The following KCNK9 variants were observed in gnomAD, a reference collection of about 807,000 sequenced individuals.
KCNK9 encodes the protein potassium channel subfamily K member 9.
Under a neutral mutation model 10.8 loss-of-function variants are expected in KCNK9, and 1 was observed. That is an observed-to-expected ratio of 0.09 (90% confidence interval 0.03 to 0.44). The LOEUF (loss-of-function observed/expected upper bound fraction) is 0.44. KCNK9 is among the 20% of genes least tolerant of loss of function. The pLI is 0.97. For missense variants in KCNK9, 303 were observed against 515.0 expected (o/e 0.59, Z 3.98); for synonymous variants, 231 against 222.7 (o/e 1.04, Z -0.33).
rs571995234 is a variant in KCNK9, at chr8:139,650,781, AG to A, written c.284-31683del. ...CTGCAGGTGCTCTGCCCAGTGGGGA[AG>A]GCAGCATGTGGGAGGGAAGCAGCAG... On this transcript the variant is annotated intron_variant, in intron 1 of 1. Transcript: ENST00000520439. Among the ~76,000 whole-genome samples, 365 of 152,212 alleles carry A rather than the reference AG, an allele frequency of 2.4e-3. 1 individual carries two copies. The highest frequency in any genetic ancestry group is 3.6e-3 in the Non-Finnish European group (247 of 68,008).
intron 1 of KCNK9, among the ~76,000 whole-genome samples, chr8:139,654,115 C>T (rs1167998490): frequency 2.0e-5 from 3 of 152,166 alleles, no homozygotes; most frequent in African/African-American, 2.4e-5. Flanking sequence ...AGGAAAAGGA[C>T]GATGCTGTTA....
At chr8:139,622,794 A>G (rs964139075) in intron 1 of KCNK9, among the ~76,000 whole-genome samples, 1 of 152,210 alleles carries the variant, frequency 6.6e-6, no homozygotes, top group Non-Finnish European at 1.5e-5. Flanking sequence ...GCCTGCGAAT[A>G]TTAAGTCCAC....
intron 1 of KCNK9, among the ~76,000 whole-genome samples, chr8:139,654,961 G>A (rs749239979): frequency 5.9e-5 from 9 of 152,100 alleles, no homozygotes; most frequent in East Asian, 1.9e-4. Flanking sequence ...GGTGACGGAC[G>A]GACAAATGCA....
rs1440259139 is a variant in KCNK9 at position 139,687,500 on chromosome 8, A to ATATATATGTGTACACATATATT, written c.283+15209_283+15210insAATATATGTGTACACATATATA. Among the ~76,000 whole-genome samples the ATATATATGTGTACACATATATT allele has an allele frequency of 9.3e-5, 6 of 64,448 alleles. 1 individual carries two copies. The highest frequency in any genetic ancestry group is 3.5e-4 in the African/African-American group (6 of 17,308). 42.3% of individuals were successfully genotyped at this position (64,448 alleles called of 152,430 possible). ...TATGTATACATATATACACATATAT[A>ATATATATGTGTACACATATATT]CATATATATGTATACACATATATTC... On this transcript the variant is annotated intron_variant, in intron 1 of 1. Coordinates refer to ENST00000520439, the MANE Select transcript of KCNK9 (RefSeq NM_001282534.2).
rs138345309 is a variant in KCNK9, at chr8:139,687,373, T to A, written c.283+15337A>T. ...ATATATGTATACATATATATGTGTA[T>A]ACATATATATGAATATATATGTGTA... On this transcript the variant is annotated intron_variant, in intron 1 of 1. Coordinates refer to ENST00000520439, the MANE Select transcript of KCNK9 (RefSeq NM_001282534.2). 1.5e-5 allele frequency among the ~76,000 whole-genome samples: 2 copies of A among 133,404 alleles called. 1 individual carries two copies. Among genetic ancestry groups the A allele is most frequent in the Non-Finnish European group, 3.2e-5 (2 of 62,606 alleles). 87.5% of individuals were successfully genotyped at this position (133,404 alleles called of 152,430 possible). A position where few individuals can be genotyped will look rare whatever the true frequency, so the allele number is the denominator to read the frequency against.
chr8:139,603,870 C>T (rs960949338), intron 2 of KCNK9, among the ~76,000 whole-genome samples: 2 of 152,212 alleles, frequency 1.3e-5, no homozygotes, highest in African/African-American at 4.8e-5. Flanking sequence ...ATAGAAATTG[C>T]CTTAGGTCAT....
At chr8:139,686,238 A>T (rs1816784999) in intron 1 of KCNK9, among the ~76,000 whole-genome samples, 1 of 152,188 alleles carries the variant, frequency 6.6e-6, no homozygotes, top group South Asian at 2.1e-4. Flanking sequence ...AAAAGCAATG[A>T]AAACAAAAGC....
At chr8:139,646,584 G>A (rs369887617) in intron 1 of KCNK9, among the ~76,000 whole-genome samples, 82 of 152,328 alleles carry the variant, frequency 5.4e-4, no homozygotes, top group African/African-American at 1.9e-3. Flanking sequence ...GGTACAACCC[G>A]CCAGTAAATG....
At chr8:139,664,641 G>A (rs896132080) in intron 1 of KCNK9, among the ~76,000 whole-genome samples, 2 of 152,260 alleles carry the variant, frequency 1.3e-5, no homozygotes, top group South Asian at 2.1e-4. Context: ...CACAGACCCC[G>A]CCCTCCACTC....
downstream of KCNK9, chr8:139,611,567 C>G (rs1441078003): frequency 1.3e-5 from 2 of 152,350 alleles, no homozygotes; most frequent in African/African-American, 2.4e-5. Context: ...CACAAGAAAA[C>G]AGTGTGGACC....
intron 1 of KCNK9, among the ~76,000 whole-genome samples, chr8:139,623,947 G>A (rs528533496): frequency 2.0e-5 from 3 of 152,240 alleles, no homozygotes; most frequent in South Asian, 2.1e-4. Flanking sequence ...CTTCACAGAC[G>A]TGTAAGATGA....
Position 139,661,393 on chromosome 8 carries a change from G to A in KCNK9, c.283+41317C>T, listed in dbSNP as rs565220840. On this transcript the variant is annotated intron_variant, in intron 1 of 1. Transcript: ENST00000520439. ...AGACCCCCAGCACCTTCAGGTAGCC[G>A]ATGCTGGCCATGTCTCAGGGCTCTT... Among the ~76,000 whole-genome samples, 4 of 152,238 alleles carry A rather than the reference G, an allele frequency of 2.6e-5. No homozygotes were observed. In the South Asian group the frequency reaches 8.3e-4, roughly 32 times the overall value.
Position 139,685,418 on chromosome 8 carries a change from G to A in KCNK9, c.283+17292C>T, listed in dbSNP as rs115436203. ...GTTTACATTAGGTATTTCTCCTAAC[G>A]CTATCTCTCCCACAGCCCCCAATGC... On this transcript the variant is annotated intron_variant, in intron 1 of 1. Coordinates refer to ENST00000520439, the MANE Select transcript of KCNK9 (RefSeq NM_001282534.2). 4.4e-3 allele frequency among the ~76,000 whole-genome samples: 665 copies of A among 152,210 alleles called. 6 individuals carry two copies. Among genetic ancestry groups the A allele is most frequent in the African/African-American group, 0.015 (626 of 41,520 alleles).
intron 1 of KCNK9, among the ~76,000 whole-genome samples, chr8:139,685,962 A>G (rs1407258878): frequency 6.6e-6 from 1 of 152,138 alleles, no homozygotes; most frequent in Non-Finnish European, 1.5e-5. Context: ...CTGACTTTTT[A>G]ATGATCACCA....
chr8:139,672,475 T>C (rs1271806664), intron 1 of KCNK9, among the ~76,000 whole-genome samples: 1 of 152,192 alleles, frequency 6.6e-6, no homozygotes, highest in East Asian at 1.9e-4. Flanking sequence ...CAAAATCCAT[T>C]CACTTGGGCA....
chr8:139,663,359 C>T (rs1374793411), intron 1 of KCNK9, among the ~76,000 whole-genome samples: 6 of 152,226 alleles, frequency 3.9e-5, no homozygotes, highest in East Asian at 3.9e-4. Context: ...TCTTGGGGGA[C>T]TACAGGTGGT....
intron 1 of KCNK9, among the ~76,000 whole-genome samples, chr8:139,653,973 G>T (rs539991478): frequency 6.6e-6 from 1 of 152,322 alleles, no homozygotes; most frequent in African/African-American, 2.4e-5. Flanking sequence ...CCACCCAGGG[G>T]AAGTAGAGGC....
intron 1 of KCNK9, among the ~76,000 whole-genome samples, chr8:139,633,523 C>A (rs1258821226): frequency 6.6e-6 from 1 of 152,150 alleles, no homozygotes; most frequent in African/African-American, 2.4e-5. Context: ...ACGGTGCTGA[C>A]CTCCTTCCGA....
At chr8:139,603,758 C>T (rs1817425054) in intron 2 of KCNK9, among the ~76,000 whole-genome samples, 1 of 152,226 alleles carries the variant, frequency 6.6e-6, no homozygotes, top group Non-Finnish European at 1.5e-5. Context: ...AGGAAAGGAA[C>T]TCAGCCATAT....
Sources: allele counts gnomAD v4.1 joint callset (sites outside exome capture counted in the v4.1 genomes callset), GRCh38; gene constraint gnomAD v4.1.1; transcripts MANE v1.5; gene names NCBI Gene and HGNC (gene_info 2026-07-23, HGNC 2026-07-21).